The following PSEN1 variants were observed in gnomAD, a reference collection of about 807,000 sequenced individuals.
PSEN1 encodes presenilin-1.
A neutral mutation model predicts 53.5 loss-of-function variants in PSEN1; 15 were observed. That is an observed-to-expected ratio of 0.28 (90% CI 0.19 to 0.43). The LOEUF (loss-of-function observed/expected upper bound fraction) is 0.43, where lower values mean the gene tolerates loss of function less well. Ranked by LOEUF, PSEN1 falls within the 20% of genes least tolerant of loss-of-function variation. The pLI is 1.00. For missense variants in PSEN1, 387 were observed against 571.2 expected (o/e 0.68, Z 3.29); for synonymous variants, 208 against 209.8 (o/e 0.99, Z 0.08).
chr14:73,178,248 C>G (rs890691961), intron 5 of PSEN1, among the ~76,000 whole-genome samples: 1 of 133,182 alleles, frequency 7.5e-6, no homozygotes, highest in African/African-American at 2.9e-5. Flanking sequence ...GAGACCGAGT[C>G]TCGCTTTGTC....
chr14:73,222,734 A>G lies in PSEN1; in HGVS notation c.*3445A>G, dbSNP rs1448126813. The G allele has an allele frequency of 6.6e-6, 1 of 152,230 alleles. No individual in the cohort carries two copies. Among genetic ancestry groups the G allele is most frequent in the Non-Finnish European group, 1.5e-5 (1 of 68,038 alleles). 9.4% of individuals were successfully genotyped at this position (152,230 alleles called of 1,614,324 possible). ...TCTCTAAAATATTGGGTATTTGTCA[A>G]ATAACCACTTTTAACAGTTACCATT... On this transcript the variant is annotated 3_prime_UTR_variant, in exon 12 of 12. Coordinates refer to ENST00000324501, the MANE Select transcript of PSEN1 (RefSeq NM_000021.4).
At position 73,221,793 on chromosome 14, in the gene PSEN1, A is replaced by G. The variant is rs934615619; in HGVS notation, c.*2504A>G. 6.6e-6 allele frequency: 1 copy of G among 152,218 alleles called. No individual in the cohort carries two copies. Among genetic ancestry groups the G allele is most frequent in the African/African-American group, 2.4e-5 (1 of 41,460 alleles). The allele number at this position is 152,218 out of a possible 1,614,324, so 9.4% of individuals were successfully genotyped here. A position where few individuals can be genotyped will look rare whatever the true frequency, so the allele number is the denominator to read the frequency against. On this transcript the variant is annotated 3_prime_UTR_variant, in exon 12 of 12. Coordinates refer to ENST00000324501, the MANE Select transcript of PSEN1 (RefSeq NM_000021.4). ...GTCATTCCTAAAACATCCAAATGCTAGTCTTCCACCATGAAAAATAGATTG... is the reference window on the plus strand; with the variant it reads ...GTCATTCCTAAAACATCCAAATGCTGGTCTTCCACCATGAAAAATAGATTG...
chr14:73,185,283 G>A lies in PSEN1; in HGVS notation c.481-1570G>A, dbSNP rs1192050881. Among the ~76,000 whole-genome samples, 13 of 152,022 alleles carry A rather than the reference G, an allele frequency of 8.6e-5. 1 individual carries two copies. Among genetic ancestry groups the A allele is most frequent in the Admixed American group, 1.3e-4 (2 of 15,302 alleles). On this transcript the variant is annotated intron_variant, in intron 5 of 11. Coordinates refer to ENST00000324501, the MANE Select transcript of PSEN1 (RefSeq NM_000021.4). The stretch of plus-strand genomic sequence containing the variant: ...TGGGAGGTGGAGGTTGTAGCGAGCC[G>A]AGATCACGCCACTGCACTCCAGCCT...
At chr14:73,219,018 C>T (rs1900041877) in intron 11 of PSEN1, 116 bp from the exon 12 acceptor site, 4 of 1,170,650 alleles carry the variant, frequency 3.4e-6, no homozygotes, top group Admixed American at 1.7e-5. Context: ...AAAATTTAAC[C>T]CCAAAAGGAA....
chr14:73,144,196 A>G (rs1320072146), intron 1 of PSEN1, among the ~76,000 whole-genome samples: 1 of 151,866 alleles, frequency 6.6e-6, no homozygotes, highest in Non-Finnish European at 1.5e-5. Flanking sequence ...GCACGTCACC[A>G]TGCCTGGCTA....
intron 3 of PSEN1, among the ~76,000 whole-genome samples, chr14:73,157,339 G>A (rs868350851): frequency 6.6e-6 from 1 of 150,794 alleles, no homozygotes; most frequent in Admixed American, 6.6e-5. Context: ...GGGTTTCACC[G>A]TGTTGGCCAG....
intron 3 of PSEN1, among the ~76,000 whole-genome samples, chr14:73,159,724 C>T (rs566558589): frequency 2.9e-4 from 44 of 152,332 alleles, no homozygotes; most frequent in African/African-American, 1.0e-3. Context: ...AAACTCTATA[C>T]TCATTGGACA....
chr14:73,195,592 A>G (rs544612439), intron 7 of PSEN1, among the ~76,000 whole-genome samples: 1 of 151,566 alleles, frequency 6.6e-6, no homozygotes, highest in East Asian at 2.0e-4. Flanking sequence ...TCTATCAGTA[A>G]ATTTTTTTCT....
At chr14:73,158,601 C>T (rs998233909) in intron 3 of PSEN1, among the ~76,000 whole-genome samples, 3 of 152,106 alleles carry the variant, frequency 2.0e-5, no homozygotes, top group African/African-American at 7.2e-5. Flanking sequence ...GGATTACAGG[C>T]GTGAGCCATC....
intron 3 of PSEN1, among the ~76,000 whole-genome samples, chr14:73,164,610 C>G (rs879301625): frequency 6.6e-5 from 10 of 152,140 alleles, no homozygotes; most frequent in South Asian, 2.1e-4. Flanking sequence ...GGTTAAATAA[C>G]TCGCCCCAAA....
Position 73,147,996 on chromosome 14 carries a change from C to G in PSEN1, c.-24C>G. The G allele has an allele frequency of 1.9e-6, 3 of 1,580,764 alleles. No homozygotes were observed. Among genetic ancestry groups the G allele is most frequent in the Non-Finnish European group, 2.6e-6 (3 of 1,149,704 alleles). On this transcript the variant is annotated 5_prime_UTR_variant, in exon 3 of 12. Transcript: ENST00000324501. ...TCAAGAGGCTTTGTTTTCTGTGAAA[C>G]AGTATTTCTATACAGTTGCTCCAAT...
chr14:73,216,293 T>G (rs1371611047), intron 10 of PSEN1, among the ~76,000 whole-genome samples: 1 of 152,188 alleles, frequency 6.6e-6, no homozygotes, highest in East Asian at 1.9e-4. Context: ...GGGGATTAAC[T>G]GTAAACGGGT....
Position 73,211,957 on chromosome 14 carries a change from CTA to C in PSEN1, c.1129+17_1129+18del, listed in dbSNP as rs1464788853. On this transcript the variant is annotated intron_variant, in intron 10 of 11. Transcript: ENST00000324501. ...CCCAGAGGAAAGTATGTGCATTTCTCTATGTTGCAAAGTCATGGATTCCTTTA... is the reference window on the plus strand; with the variant it reads ...CCCAGAGGAAAGTATGTGCATTTCTCTGTTGCAAAGTCATGGATTCCTTTA... 6.2e-6 allele frequency: 10 copies of C among 1,613,444 alleles called. No individual in the cohort carries two copies. Among genetic ancestry groups the C allele is most frequent in the Non-Finnish European group, 6.8e-6 (8 of 1,179,656 alleles).
At chr14:73,167,355 T>C (rs1378429208) in intron 3 of PSEN1, among the ~76,000 whole-genome samples, 2 of 152,244 alleles carry the variant, frequency 1.3e-5, no homozygotes, top group African/African-American at 4.8e-5. Context: ...GAAATGCTTA[T>C]TGGAGTGTTT....
chr14:73,191,158 A>C (rs933606859), intron 6 of PSEN1, among the ~76,000 whole-genome samples: 24 of 152,332 alleles, frequency 1.6e-4, no homozygotes, highest in Admixed American at 1.5e-3. Context: ...TTTTTAAAAA[A>C]GACATTATAT....
intron 7 of PSEN1, among the ~76,000 whole-genome samples, chr14:73,197,261 G>C (rs1291329760): frequency 6.6e-6 from 1 of 152,148 alleles, no homozygotes; most frequent in Non-Finnish European, 1.5e-5. Flanking sequence ...GACAGAGAAT[G>C]AAAGAAAAAG....
At chr14:73,201,329 G>A (rs985013534) in intron 8 of PSEN1, among the ~76,000 whole-genome samples, 11 of 152,078 alleles carry the variant, frequency 7.2e-5, no homozygotes, top group South Asian at 2.1e-4. Flanking sequence ...CTTGTGATCC[G>A]CCCGCCTCGG....
At chr14:73,160,021 G>T (rs569431165) in intron 3 of PSEN1, 3 of 237,342 alleles carry the variant, frequency 1.3e-5, no homozygotes, top group South Asian at 1.2e-4. Context: ...ACGAGTTCTC[G>T]CCATATTGGC....
intron 5 of PSEN1, among the ~76,000 whole-genome samples, chr14:73,186,142 G>A (rs769816332): frequency 6.6e-6 from 1 of 152,168 alleles, no homozygotes; most frequent in Non-Finnish European, 1.5e-5. Flanking sequence ...CACTTTGGGA[G>A]GCCAAGGCAG....
Sources: gnomAD v4.1 joint callset for allele counts (sites outside exome capture counted in the v4.1 genomes callset) on GRCh38, gnomAD v4.1.1 for gene constraint, MANE v1.5 for transcripts, NCBI Gene and HGNC (gene_info 2026-07-23, HGNC 2026-07-21) for gene names.